DGKI: variants seen among roughly 807,000 people sequenced by gnomAD.
DGKI encodes diacylglycerol kinase iota, also known as DAG kinase iota.
In DGKI, 55 loss-of-function variants were observed where a neutral mutation model predicts 147.5. The ratio of observed to expected loss-of-function variants is 0.37; its 90% CI spans 0.30 to 0.47. The LOEUF is 0.47. Among genes scored for constraint, DGKI ranks in the 20% least tolerant of loss-of-function variants. DGKI has a pLI of 1.00. For missense variants in DGKI, 1,007 were observed against 1,323.8 expected (o/e 0.76, Z 3.71); for synonymous variants, 469 against 477.1 (o/e 0.98, Z 0.22).
rs368698590 is a variant in DGKI, at chr7:137,521,085, C to T, written c.2248+781G>A. ...ACTTTATTGCAGTTGACTATTGGCC[C>T]CCACAATTAGGAAGGAGCCGAGAAC... On this transcript the variant is annotated intron_variant, in intron 21 of 32. Transcript: ENST00000614521. Among the ~76,000 whole-genome samples the T allele has an allele frequency of 9.9e-5, 15 of 151,984 alleles. No homozygotes were observed. The South Asian group carries it at 2.7e-3, about 27-fold the overall frequency.
chr7:137,507,571 A>G (rs576340186), intron 21 of DGKI, among the ~76,000 whole-genome samples: 1 of 152,330 alleles, frequency 6.6e-6, no homozygotes, highest in Admixed American at 6.5e-5. Flanking sequence ...AATTTGGTAA[A>G]TATATATTGC....
At chr7:137,705,927 G>A (rs1429564568) in intron 1 of DGKI, among the ~76,000 whole-genome samples, 1 of 151,744 alleles carries the variant, frequency 6.6e-6, no homozygotes, top group Non-Finnish European at 1.5e-5. Context: ...ACACTTAAAA[G>A]CATCTTTATT....
intron 6 of DGKI, among the ~76,000 whole-genome samples, chr7:137,641,630 T>C (rs763233537): frequency 3.9e-5 from 6 of 152,226 alleles, no homozygotes; most frequent in Non-Finnish European, 7.3e-5. Context: ...ATCTTATGTA[T>C]ACGCAAATGT....
intron 3 of DGKI, among the ~76,000 whole-genome samples, chr7:137,673,236 T>C (rs959895893): frequency 1.3e-5 from 2 of 152,132 alleles, no homozygotes; most frequent in African/African-American, 4.8e-5. Context: ...GACTTCGACA[T>C]ATCTTTTGGA....
In DGKI at chr7:137,605,300, T is replaced by A. The variant is rs186885157; in HGVS notation, c.1167+3666A>T. Among the ~76,000 whole-genome samples the A allele has an allele frequency of 9.6e-4, 134 of 138,898 alleles. 2 individuals carry two copies. In the East Asian group the frequency reaches 0.028, roughly 29 times the overall value. 91.1% of individuals were successfully genotyped at this position (138,898 alleles called of 152,430 possible). A position where few individuals can be genotyped will look rare whatever the true frequency, so the allele number is the denominator to read the frequency against. ...TCCAGCCTGGGTGACAGAGCAAGAC[T>A]CCGTCTCAAAAATATAAAATAAAAT... On this transcript the variant is annotated intron_variant, in intron 10 of 32. Transcript: ENST00000614521.
chr7:137,569,508 C>T (rs1455076991), intron 19 of DGKI, among the ~76,000 whole-genome samples: 1 of 151,532 alleles, frequency 6.6e-6, no homozygotes, highest in Non-Finnish European at 1.5e-5. Context: ...GTGGGTGGAC[C>T]ACGAGGTCAG....
chr7:137,657,142 A>T (rs937457641), intron 3 of DGKI, among the ~76,000 whole-genome samples: 1 of 152,242 alleles, frequency 6.6e-6, no homozygotes, highest in Non-Finnish European at 1.5e-5. Flanking sequence ...CAATAATAAG[A>T]ATAGCAACAA....
intron 1 of DGKI, among the ~76,000 whole-genome samples, chr7:137,823,868 C>T (rs1411620124): frequency 6.6e-6 from 1 of 152,090 alleles, no homozygotes; most frequent in Admixed American, 6.5e-5. Context: ...TGAGTAAGTC[C>T]ATATGAGAAT....
intron 3 of DGKI, among the ~76,000 whole-genome samples, chr7:137,665,865 A>G (rs1822621252): frequency 6.6e-6 from 1 of 152,234 alleles, no homozygotes; most frequent in Admixed American, 6.5e-5. Context: ...AAAGACTGTG[A>G]GCTGAATATA....
intron 1 of DGKI, among the ~76,000 whole-genome samples, chr7:137,827,929 C>T (rs188184009): frequency 6.6e-6 from 1 of 152,230 alleles, no homozygotes; most frequent in African/African-American, 2.4e-5. Context: ...CCTTTAATTC[C>T]TCTCTCCACC....
At chr7:137,766,324 G>A (rs1796012585) in intron 1 of DGKI, among the ~76,000 whole-genome samples, 1 of 152,182 alleles carries the variant, frequency 6.6e-6, no homozygotes, top group East Asian at 1.9e-4. Context: ...TCAACGTGAT[G>A]TTCATCTCTA....
At chr7:137,397,442 C>A (rs1466204352) in intron 30 of DGKI, 29 bp from the exon 31 acceptor site, 7 of 1,605,336 alleles carry the variant, frequency 4.4e-6, no homozygotes, top group Non-Finnish European at 5.9e-6. Flanking sequence ...AGATGACCGT[C>A]AAAAATAAGC....
intron 21 of DGKI, among the ~76,000 whole-genome samples, chr7:137,491,202 G>A (rs1248718642): frequency 6.6e-6 from 1 of 152,104 alleles, no homozygotes; most frequent in African/African-American, 2.4e-5. Flanking sequence ...GGTTAAAGGA[G>A]GTGGTTAAGA....
chr7:137,543,833 C>G (rs186579966), intron 20 of DGKI, among the ~76,000 whole-genome samples: 1 of 152,106 alleles, frequency 6.6e-6, no homozygotes, highest in Admixed American at 6.5e-5. Flanking sequence ...CAAGGCTATC[C>G]GCACTGCCAT....
rs893100687 is a variant in DGKI at position 137,412,269 on chromosome 7, A to T, written c.2762-62T>A. The T allele has an allele frequency of 8.7e-6, 13 of 1,486,528 alleles. No individual in the cohort carries two copies. The African/African-American group carries it at 9.7e-5, about 11-fold the overall frequency. The allele number at this position is 1,486,528 out of a possible 1,614,324, so 92.1% of individuals were successfully genotyped here. A position where few individuals can be genotyped will look rare whatever the true frequency, so the allele number is the denominator to read the frequency against. On this transcript the variant is annotated intron_variant, in intron 28 of 32. Transcript: ENST00000614521. ...AGACCCTCTTATTAAAATATTACAC[A>T]AAGTTGGATCCATATTTTGGATAAG...
intron 1 of DGKI, among the ~76,000 whole-genome samples, chr7:137,834,804 A>G (rs1489841465): frequency 1.3e-5 from 2 of 152,262 alleles, no homozygotes; most frequent in Admixed American, 1.3e-4. Context: ...TTATGCCTTA[A>G]AAGGCAGGGC....
chr7:137,492,494 C>T (rs1444646155), intron 21 of DGKI, among the ~76,000 whole-genome samples: 2 of 152,182 alleles, frequency 1.3e-5, no homozygotes, highest in Non-Finnish European at 2.9e-5. Context: ...TCAGTAACCC[C>T]TGGGGTAGTG....
At chr7:137,764,417 C>T (rs1231324237) in intron 1 of DGKI, among the ~76,000 whole-genome samples, 2 of 152,158 alleles carry the variant, frequency 1.3e-5, no homozygotes, top group African/African-American at 4.8e-5. Context: ...AGGATGGCTC[C>T]TGTTTAATTT....
intron 28 of DGKI, among the ~76,000 whole-genome samples, chr7:137,425,762 C>T (rs941962857): frequency 5.3e-5 from 8 of 152,046 alleles, no homozygotes; most frequent in Non-Finnish European, 1.0e-4. Flanking sequence ...CCAGAAGCCT[C>T]GGGAGCCGAT....
Sources: allele counts gnomAD v4.1 joint callset (sites outside exome capture counted in the v4.1 genomes callset), GRCh38; gene constraint gnomAD v4.1.1; transcripts MANE v1.5; gene names NCBI Gene and HGNC (gene_info 2026-07-23, HGNC 2026-07-21).